The following DMD variants were observed in gnomAD, a reference collection of about 807,000 sequenced individuals.
The protein encoded by DMD is dystrophin.
A neutral mutation model predicts 330.1 loss-of-function variants in DMD; 63 were observed. The ratio of observed to expected loss-of-function variants is 0.19; its 90% CI spans 0.16 to 0.24. The LOEUF is 0.24. DMD is among the 10% of genes least tolerant of loss of function. The probability of loss-of-function intolerance (pLI) is 1.00; values close to 1 mark genes in which losing one functional copy is unlikely to be tolerated. For missense variants in DMD, 3,344 were observed against 2,684.1 expected, an observed-to-expected ratio of 1.25 and a Z score of -5.43; for synonymous variants, 1,223 against 959.8, an observed-to-expected ratio of 1.27 and a Z score of -5.07.
At chrX:32,470,981 A>C (rs1305965555) in intron 22 of DMD, among the ~76,000 whole-genome samples, 2 of 111,989 alleles carry the variant, frequency 1.8e-5, no homozygotes, top group Non-Finnish European at 3.8e-5. Context: ...GTATTTTATA[A>C]TAAGTAGGAA....
chrX:31,571,254 G>GGTGTGTGT (rs371098859), intron 55 of DMD, among the ~76,000 whole-genome samples: 2,321 of 90,392 alleles, frequency 0.026, 39 homozygotes, highest in East Asian at 0.066. Context: ...GATTTAAAGG[G>GGTGTGTGT]GTGTGTGTGT....
intron 55 of DMD, among the ~76,000 whole-genome samples, chrX:31,596,463 T>C (rs1170944160): frequency 2.7e-5 from 3 of 111,923 alleles, no homozygotes; most frequent in Non-Finnish European, 5.6e-5. Flanking sequence ...TAAATTTGTA[T>C]TCAGCTGCTG....
intron 63 of DMD, among the ~76,000 whole-genome samples, chrX:31,237,457 A>C (rs949383989): frequency 7.1e-5 from 8 of 112,657 alleles, no homozygotes; most frequent in Non-Finnish European, 1.1e-4. Flanking sequence ...TCTGGAGACT[A>C]GATGCTAATG....
intron 1 of DMD, among the ~76,000 whole-genome samples, chrX:33,024,493 C>T (rs759414648): frequency 2.3e-4 from 26 of 111,843 alleles, no homozygotes; most frequent in Non-Finnish European, 3.6e-4. Context: ...ATTCTCTCTA[C>T]GGGGAAATCC....
intron 43 of DMD, among the ~76,000 whole-genome samples, chrX:32,253,914 G>C (rs985909036): frequency 9.0e-6 from 1 of 110,570 alleles, no homozygotes; most frequent in African/African-American, 3.3e-5. Context: ...GAGCCACCAC[G>C]CCTGGTCAAT....
chrX:32,054,827 G>C (rs900353463), intron 44 of DMD, among the ~76,000 whole-genome samples: 2 of 94,385 alleles, frequency 2.1e-5, no homozygotes, highest in Non-Finnish European at 4.2e-5. Flanking sequence ...GTGTGAGAGA[G>C]GGGAGGGAAG....
At chrX:33,066,440 C>A (rs2094659402) in intron 1 of DMD, among the ~76,000 whole-genome samples, 1 of 61,409 alleles carries the variant, frequency 1.6e-5, no homozygotes. Context: ...AACAGTGAGA[C>A]TCTGTCAAAA....
At chrX:31,824,410 G>A (rs188732344) in intron 49 of DMD, among the ~76,000 whole-genome samples, 35 of 110,149 alleles carry the variant, frequency 3.2e-4, no homozygotes, top group African/African-American at 8.9e-4. Context: ...TTACAGGCTC[G>A]CACCACCACA....
intron 1 of DMD, among the ~76,000 whole-genome samples, chrX:33,190,224 C>T (rs1386897857): frequency 3.7e-5 from 4 of 107,171 alleles, no homozygotes; most frequent in African/African-American, 1.3e-4. Context: ...CCAAACCCAG[C>T]CTAGGACAGG....
intron 30 of DMD, among the ~76,000 whole-genome samples, chrX:32,408,865 C>T (rs371469332): frequency 1.0e-5 from 1 of 96,911 alleles, no homozygotes; most frequent in Admixed American, 1.2e-4. Context: ...TTCTTTCTTT[C>T]ATCTATCTAT....
At chrX:32,272,100 A>G (rs2097367350) in intron 43 of DMD, among the ~76,000 whole-genome samples, 1 of 112,158 alleles carries the variant, frequency 8.9e-6, no homozygotes, top group Admixed American at 9.5e-5. Context: ...CCTGTAGGAA[A>G]AAGTACTCCA....
intron 7 of DMD, among the ~76,000 whole-genome samples, chrX:32,800,347 G>A (rs181204886): frequency 9.0e-6 from 1 of 111,604 alleles, no homozygotes; most frequent in African/African-American, 3.3e-5. Context: ...TCTGTCTTTT[G>A]TGACTAAGCA....
intron 1 of DMD, among the ~76,000 whole-genome samples, chrX:33,293,248 C>A (rs1176436570): frequency 1.8e-5 from 2 of 111,490 alleles, no homozygotes; most frequent in African/African-American, 6.5e-5. Flanking sequence ...GTGACTCTTG[C>A]ATTCATTGAG....
intron 55 of DMD, among the ~76,000 whole-genome samples, chrX:31,566,707 T>C (rs2075485145): frequency 8.9e-6 from 1 of 111,945 alleles, no homozygotes; most frequent in Non-Finnish European, 1.9e-5. Context: ...ATATTTGCTA[T>C]GCTGACTCTT....
intron 7 of DMD, among the ~76,000 whole-genome samples, chrX:32,699,995 A>G (rs2063969705): frequency 8.9e-6 from 1 of 111,876 alleles, no homozygotes; most frequent in African/African-American, 3.2e-5. Context: ...CCTTTGCCAC[A>G]TCCAGAAAGT....
At chrX:32,438,806 GTA>G (rs1046104498) in intron 28 of DMD, among the ~76,000 whole-genome samples, 1 of 111,601 alleles carries the variant, frequency 9.0e-6, no homozygotes, top group Non-Finnish European at 1.9e-5. Context: ...TGGCCTGGAG[GTA>G]TAACAATCAT....
chrX:33,037,847 A>G (rs1313549028), intron 1 of DMD, among the ~76,000 whole-genome samples: 1 of 112,337 alleles, frequency 8.9e-6, no homozygotes, highest in Non-Finnish European at 1.9e-5. Flanking sequence ...TTTCCTTTTA[A>G]TATGTTTGTT....
chrX:31,289,035 G>A (rs1285043076), intron 62 of DMD, among the ~76,000 whole-genome samples: 2 of 108,603 alleles, frequency 1.8e-5, no homozygotes, highest in African/African-American at 6.7e-5. Flanking sequence ...ATCCTGGCAC[G>A]TTGGGAGGTC....
chrX:32,877,150 A>G (rs2083444381), intron 2 of DMD, among the ~76,000 whole-genome samples: 1 of 111,909 alleles, frequency 8.9e-6, no homozygotes, highest in Admixed American at 9.5e-5. Flanking sequence ...ATGTAAACAA[A>G]GAAGTATCAT....
Sources: gnomAD v4.1 joint callset for allele counts (sites outside exome capture counted in the v4.1 genomes callset) on GRCh38, gnomAD v4.1.1 for gene constraint, MANE v1.5 for transcripts, NCBI Gene and HGNC (gene_info 2026-07-23, HGNC 2026-07-21) for gene names.